Variants in AGFG1 observed in about 807,000 individuals in gnomAD.
AGFG1 encodes the protein arf-GAP domain and FG repeat-containing protein 1.
AGFG1 carries 10 observed loss-of-function variants against 60.6 expected under a neutral mutation model. That is an observed-to-expected ratio of 0.16 (90% CI 0.10 to 0.28). The LOEUF is 0.28. AGFG1 is among the 10% of genes least tolerant of loss of function. The probability of loss-of-function intolerance (pLI) is 1.00; values close to 1 mark genes in which losing one functional copy is unlikely to be tolerated. For missense variants in AGFG1, 537 were observed against 676.5 expected (o/e 0.79, Z 2.29); for synonymous variants, 247 against 242.9 (o/e 1.02, Z -0.16).
intron 2 of AGFG1, among the ~76,000 whole-genome samples, chr2:227,500,238 A>C (rs1224857606): frequency 3.3e-5 from 5 of 152,202 alleles, no homozygotes; most frequent in African/African-American, 1.2e-4. Context: ...TTTTTTGGTC[A>C]GTCTCTTACT....
At position 227,560,327 on chromosome 2, in the gene AGFG1, T is replaced by C. The variant is rs1693098387; in HGVS notation, c.*5832T>C. The C allele has an allele frequency of 6.6e-6, 1 of 152,160 alleles. No individual in the cohort carries two copies. The highest frequency in any genetic ancestry group is 2.4e-5 in the African/African-American group (1 of 41,462). 9.4% of individuals were successfully genotyped at this position (152,160 alleles called of 1,614,324 possible). A position where few individuals can be genotyped will look rare whatever the true frequency, so the allele number is the denominator to read the frequency against. ...TCTTGATTCTGCCTGACTGGAAACT[T>C]TATTAATAAAGTAGACATTATTCTA... On this transcript the variant is annotated 3_prime_UTR_variant, in exon 13 of 13. Coordinates refer to ENST00000310078, the MANE Select transcript of AGFG1 (RefSeq NM_004504.5).
At chr2:227,482,758 G>A (rs1004369887) in intron 1 of AGFG1, among the ~76,000 whole-genome samples, 1 of 152,184 alleles carries the variant, frequency 6.6e-6, no homozygotes, top group African/African-American at 2.4e-5. Context: ...TTGAGGCCTA[G>A]TTAAGAGCAG....
chr2:227,473,840 G>T (rs1476025101), intron 1 of AGFG1, among the ~76,000 whole-genome samples: 1 of 152,188 alleles, frequency 6.6e-6, no homozygotes, highest in Non-Finnish European at 1.5e-5. Context: ...AGTATTACAT[G>T]AGTGTTATTT....
chr2:227,535,065 C>CT (rs202054394), intron 8 of AGFG1, 40 bp downstream of exon 8: 143,604 of 1,425,400 alleles, frequency 0.1, 8,067 homozygotes, highest in Non-Finnish European at 0.12. Context: ...TGTGTTTTAT[C>CT]TTTTTTTTCC....
At position 227,533,531 on chromosome 2, in the gene AGFG1, CT is replaced by C; in HGVS notation, c.815-17del. 3.7e-6 allele frequency: 6 copies of C among 1,609,876 alleles called. No homozygotes were observed. The highest frequency in any genetic ancestry group is 5.1e-6 in the Non-Finnish European group (6 of 1,176,524). The stretch of plus-strand genomic sequence containing the variant: ...GAAAAGCTTAGAAATTTCAAGTGCT[CT>C]GTTTATTCTGTTACAGGTGGAAGTG... On this transcript the variant is annotated splice_polypyrimidine_tract_variant and intron_variant, in intron 6 of 12. Coordinates refer to ENST00000310078, the MANE Select transcript of AGFG1 (RefSeq NM_004504.5).
intron 10 of AGFG1, among the ~76,000 whole-genome samples, chr2:227,546,610 A>G (rs1403982697): frequency 2.0e-5 from 3 of 152,180 alleles, no homozygotes; most frequent in African/African-American, 7.2e-5. Context: ...CTATTCTGCC[A>G]TCTTGGAACT....
intron 5 of AGFG1, among the ~76,000 whole-genome samples, chr2:227,526,985 A>G (rs1692013376): frequency 6.6e-6 from 1 of 152,208 alleles, no homozygotes; most frequent in South Asian, 2.1e-4. Context: ...TTATTTTGTT[A>G]ACAAGCATGC....
At chr2:227,540,509 T>G (rs1306078827) in intron 10 of AGFG1, among the ~76,000 whole-genome samples, 2 of 152,244 alleles carry the variant, frequency 1.3e-5, no homozygotes, top group African/African-American at 4.8e-5. Context: ...TCCGTGTGCC[T>G]ACAAAGGACA....
intron 1 of AGFG1, among the ~76,000 whole-genome samples, chr2:227,487,844 T>G (rs539152675): frequency 6.6e-6 from 1 of 152,370 alleles, no homozygotes; most frequent in East Asian, 1.9e-4. Flanking sequence ...CAGCTTTTTC[T>G]CAGACTCTTA....
rs772033884 is a variant in AGFG1 at position 227,533,772 on chromosome 2, A to G, written c.1024+14A>G. The G allele has an allele frequency of 5.6e-6, 9 of 1,606,368 alleles. No homozygotes were observed. The highest frequency in any genetic ancestry group is 7.7e-6 in the Non-Finnish European group (9 of 1,174,340). On this transcript the variant is annotated intron_variant, in intron 7 of 12. Transcript: ENST00000310078. ...GTGCCGGGCAAGGTATCAAGCTTTA[A>G]GCAAAACAAATACAAATTTGTGTTA...
At chr2:227,501,682 C>T (rs866484123) in intron 2 of AGFG1, among the ~76,000 whole-genome samples, 1 of 150,620 alleles carries the variant, frequency 6.6e-6, no homozygotes, top group Non-Finnish European at 1.5e-5. Flanking sequence ...TTCCTGGGCT[C>T]AGGTGATTCT....
At chr2:227,548,335 A>G (rs1692714461) in intron 10 of AGFG1, among the ~76,000 whole-genome samples, 1 of 152,226 alleles carries the variant, frequency 6.6e-6, no homozygotes, top group Non-Finnish European at 1.5e-5. Flanking sequence ...AATTGTGTGT[A>G]GTATGTGAAC....
intron 1 of AGFG1, among the ~76,000 whole-genome samples, chr2:227,477,783 T>C (rs766366106): frequency 1.3e-5 from 2 of 151,970 alleles, no homozygotes; most frequent in African/African-American, 2.4e-5. Context: ...ATTTTTTTTG[T>C]ATTTTTAGTA....
intron 2 of AGFG1, among the ~76,000 whole-genome samples, chr2:227,499,418 T>C (rs763880349): frequency 6.6e-5 from 10 of 152,006 alleles, no homozygotes; most frequent in Non-Finnish European, 1.2e-4. Context: ...GGCAGGCAGA[T>C]CACTTGAGGC....
intron 2 of AGFG1, among the ~76,000 whole-genome samples, chr2:227,506,331 G>A (rs937334337): frequency 1.3e-5 from 2 of 152,124 alleles, no homozygotes; most frequent in Non-Finnish European, 2.9e-5. Flanking sequence ...TCAGCCCCAT[G>A]CACACATAGG....
intron 2 of AGFG1, among the ~76,000 whole-genome samples, chr2:227,501,172 C>T (rs1268852706): frequency 6.6e-6 from 1 of 152,148 alleles, no homozygotes; most frequent in Non-Finnish European, 1.5e-5. Context: ...CTTCCACCTC[C>T]TGGATTCAAG....
At chr2:227,544,554 C>T (rs1056223237) in intron 10 of AGFG1, among the ~76,000 whole-genome samples, 15 of 152,144 alleles carry the variant, frequency 9.9e-5, no homozygotes, top group East Asian at 1.9e-4. Flanking sequence ...TTCCTAGCAT[C>T]GATGGTCTTT....
At chr2:227,476,410 A>T (rs1284012776) in intron 1 of AGFG1, among the ~76,000 whole-genome samples, 3 of 152,236 alleles carry the variant, frequency 2.0e-5, no homozygotes, top group African/African-American at 4.8e-5. Flanking sequence ...ACATTAGTAT[A>T]ATTGATATGT....
chr2:227,554,735 T>C lies in AGFG1; in HGVS notation c.*240T>C. On this transcript the variant is annotated 3_prime_UTR_variant, in exon 13 of 13. Coordinates refer to ENST00000310078, the MANE Select transcript of AGFG1 (RefSeq NM_004504.5). Reference sequence around the variant, plus strand: ...TATCATGTATATTAAAATTGGCTAATATTAAGTTATTGCAGATACCACATT... The same window carrying C: ...TATCATGTATATTAAAATTGGCTAACATTAAGTTATTGCAGATACCACATT... 2 of 380,214 alleles carry C rather than the reference T, an allele frequency of 5.3e-6. No homozygotes were observed. Among genetic ancestry groups the C allele is most frequent in the Non-Finnish European group, 9.5e-6 (2 of 211,588 alleles). The allele number at this position is 380,214 out of a possible 1,614,324, so 23.6% of individuals were successfully genotyped here.
Sources: gnomAD v4.1 joint callset for allele counts (sites outside exome capture counted in the v4.1 genomes callset) on GRCh38, gnomAD v4.1.1 for gene constraint, MANE v1.5 for transcripts, NCBI Gene and HGNC (gene_info 2026-07-23, HGNC 2026-07-21) for gene names.